The following THOP1 variants were observed in gnomAD, a reference collection of about 807,000 sequenced individuals.
THOP1 encodes thimet oligopeptidase.
A neutral mutation model predicts 71.8 loss-of-function variants in THOP1; 49 were observed. The observed-to-expected ratio is 0.68, with a 90% CI of 0.54 to 0.87. THOP1 has a LOEUF of 0.87. Ranked by LOEUF, THOP1 falls within the 40% of genes least tolerant of loss-of-function variation. The pLI is 0.00. For missense variants in THOP1, 843 were observed against 975.6 expected (o/e 0.86, Z 1.81); for synonymous variants, 426 against 421.5 (o/e 1.01, Z -0.13).
chr19:2,793,988 G>A (rs951772344), intron 2 of THOP1, among the ~76,000 whole-genome samples: 1 of 151,560 alleles, frequency 6.6e-6, no homozygotes, highest in Non-Finnish European at 1.5e-5. Flanking sequence ...GTCATGGGAT[G>A]ACTCCATTTT....
rs554180807 is a variant in THOP1 at position 2,812,975 on chromosome 19, G to T, written c.1909-140G>T. The T allele has an allele frequency of 6.7e-4, 631 of 947,418 alleles. 2 individuals are homozygous for T. The highest frequency in any genetic ancestry group is 1.5e-3 in the Admixed American group (53 of 34,596). 58.7% of individuals were successfully genotyped at this position (947,418 alleles called of 1,614,324 possible). On this transcript the variant is annotated intron_variant, in intron 12 of 12. Coordinates refer to ENST00000307741, the MANE Select transcript of THOP1 (RefSeq NM_003249.5). ...CCTGCGCTCTCCCACCTGTGCTGATGCAGGCGGCCCCCGGGCCTCCCTGGG... is the reference window on the plus strand; with the variant it reads ...CCTGCGCTCTCCCACCTGTGCTGATTCAGGCGGCCCCCGGGCCTCCCTGGG...
At chr19:2,788,446 A>C (rs1275406309) in intron 1 of THOP1, among the ~76,000 whole-genome samples, 1 of 152,092 alleles carries the variant, frequency 6.6e-6, no homozygotes, top group African/African-American at 2.4e-5. Context: ...CAAAGCCTTC[A>C]TTGTCATCTA....
intron 4 of THOP1, among the ~76,000 whole-genome samples, chr19:2,798,123 T>C (rs942486628): frequency 6.6e-6 from 1 of 152,126 alleles, no homozygotes; most frequent in African/African-American, 2.4e-5. Flanking sequence ...CTGCCTCCTA[T>C]GTTCAAGCGA....
chr19:2,785,565 C>G lies in THOP1; in HGVS notation c.-98C>G. On this transcript the variant is annotated 5_prime_UTR_variant, in exon 1 of 13. Coordinates refer to ENST00000307741, the MANE Select transcript of THOP1 (RefSeq NM_003249.5). ...CCTCAGGCGGCCGTGGCGGCGGTGG[C>G]GGCGGTTGGGCCGAGGCAGGCGGCC... The G allele has an allele frequency of 8.7e-6, 12 of 1,375,034 alleles. No homozygotes were observed. Among genetic ancestry groups the G allele is most frequent in the Non-Finnish European group, 1.1e-5 (12 of 1,044,056 alleles). 85.2% of individuals were successfully genotyped at this position (1,375,034 alleles called of 1,614,324 possible). A position where few individuals can be genotyped will look rare whatever the true frequency, so the allele number is the denominator to read the frequency against.
At chr19:2,786,780 T>TTTTTTTTTTTTG (rs1568317132) in intron 1 of THOP1, among the ~76,000 whole-genome samples, 1 of 147,774 alleles carries the variant, frequency 6.8e-6, no homozygotes, top group African/African-American at 2.5e-5. Context: ...TTTTTTTTTT[T>TTTTTTTTTTTTG]GGAGATAGAG....
At chr19:2,797,349 G>A (rs1916043317) in intron 4 of THOP1, among the ~76,000 whole-genome samples, 1 of 152,204 alleles carries the variant, frequency 6.6e-6, no homozygotes, top group South Asian at 2.1e-4. Context: ...TCGAGGGCCA[G>A]CAAGGCACCC....
At chr19:2,810,064 C>G in intron 9 of THOP1, 1 of 568,118 alleles carries the variant, frequency 1.8e-6, no homozygotes, top group Non-Finnish European at 3.1e-6. Flanking sequence ...CGTGGGTGGC[C>G]TCCAGGGACG....
rs201418908 is a variant in THOP1 at position 2,810,728 on chromosome 19, G to T, written c.1731G>T (p.Ala577=). 1.3e-6 allele frequency: 2 copies of T among 1,598,160 alleles called. No individual in the cohort carries two copies. The highest frequency in any genetic ancestry group is 3.4e-5 in the Admixed American group (2 of 58,464). Residue 577 remains alanine (A), a synonymous_variant, in exon 11 of 13, where the codon GCG becomes GCT. Transcript: ENST00000307741. ...ACGCAGACCCCGCCGAGGAGTATGCGCGGCTCTGCCAGGAGATCCTCGGGG... is the reference window on the plus strand; with the variant it reads ...ACGCAGACCCCGCCGAGGAGTATGCTCGGCTCTGCCAGGAGATCCTCGGGG... ...QTDADPAEEY[A]RLCQEILGVP...
chr19:2,801,475 C>T lies in THOP1; in HGVS notation c.589+1684C>T, dbSNP rs1362566883. ...TGAGTCCCATGTGGCCAGGTGACAC[C>T]GTCATGCGGGTGGCTAGCGTGTTGG... On this transcript the variant is annotated intron_variant, in intron 5 of 12. Coordinates refer to ENST00000307741, the MANE Select transcript of THOP1 (RefSeq NM_003249.5). The surrounding 1 kb of genome is among the most constrained non-coding windows in gnomAD (Gnocchi z 5.1). Among the ~76,000 whole-genome samples the T allele has an allele frequency of 1.3e-5, 2 of 152,144 alleles. No individual in the cohort carries two copies. Among genetic ancestry groups the T allele is most frequent in the African/African-American group, 2.4e-5 (1 of 41,428 alleles).
chr19:2,799,864 G>C, intron 5 of THOP1, 73 bp downstream of exon 5: 2 of 1,366,728 alleles, frequency 1.5e-6, no homozygotes. Context: ...GGCCCTCGGG[G>C]GCCGCCGCTT....
chr19:2,810,447 G>A lies in THOP1; in HGVS notation c.1599G>A (p.Arg533=). 1 of 1,583,190 alleles carries A rather than the reference G, an allele frequency of 6.3e-7. No individual in the cohort carries two copies. Among genetic ancestry groups the A allele is most frequent in the Admixed American group, 1.9e-5 (1 of 53,914 alleles). ...ACCGCACAGGCAGCGCCGTGCCCCGGGAGCTCCTGGAGAAGCTCATTGAGT... is the reference window on the plus strand; with the variant it reads ...ACCGCACAGGCAGCGCCGTGCCCCGAGAGCTCCTGGAGAAGCTCATTGAGT... The part of the protein sequence containing the change: ...RHYRTGSAVP[R]ELLEKLIESR... Residue 533 remains arginine, a synonymous_variant, in exon 10 of 13, where the codon CGG becomes CGA. Transcript: ENST00000307741.
At chr19:2,797,256 G>T (rs1309099993) in intron 4 of THOP1, among the ~76,000 whole-genome samples, 1 of 152,172 alleles carries the variant, frequency 6.6e-6, no homozygotes, top group Non-Finnish European at 1.5e-5. Flanking sequence ...GTGCCCCAGA[G>T]TGTAGGGGCT....
At chr19:2,797,628 C>T (rs531107395) in intron 4 of THOP1, among the ~76,000 whole-genome samples, 60 of 152,352 alleles carry the variant, frequency 3.9e-4, no homozygotes, top group Admixed American at 5.9e-4. Flanking sequence ...TTCCTGAGCA[C>T]GCTTAAGACA....
intron 3 of THOP1, 103 bp downstream of exon 3, chr19:2,795,015 G>A: frequency 7.3e-7 from 1 of 1,373,262 alleles, no homozygotes; most frequent in East Asian, 2.5e-5. Context: ...GTAGAGACGG[G>A]GTTTCAACGT....
At position 2,790,495 on chromosome 19, in the gene THOP1, C is replaced by A; in HGVS notation, c.91C>A (p.Gln31Lys). 6.2e-7 allele frequency: 1 copy of A among 1,606,564 alleles called. No individual in the cohort carries two copies. Among genetic ancestry groups the A allele is most frequent in the Non-Finnish European group, 8.5e-7 (1 of 1,176,496 alleles). The stretch of plus-strand genomic sequence containing the variant: ...CGACCTGCGGTGGGACCTGAGTGCC[C>A]AGCAGATAGAGGAGCGCACCAGGGA... ...VNDLRWDLSA[Q>K]QIEERTRELI... The change falls in exon 2 of 13, where the codon CAG becomes AAG. Residue 31 changes from glutamine to lysine, a missense_variant. Coordinates refer to ENST00000307741, the MANE Select transcript of THOP1 (RefSeq NM_003249.5).
In THOP1 at chr19:2,785,641, C is replaced by T. The variant is rs1311359679; in HGVS notation, c.-22C>T. On this transcript the variant is annotated 5_prime_UTR_variant, in exon 1 of 13. Transcript: ENST00000307741. ...TAGCAGGTGGAAGGAGGGAGGGAGC[C>T]GCAGGCGCAGACCCACCCGCCATGA... 5.3e-6 allele frequency: 8 copies of T among 1,501,224 alleles called. No homozygotes were observed. The highest frequency in any genetic ancestry group is 7.1e-6 in the Non-Finnish European group (8 of 1,125,162). 93.0% of individuals were successfully genotyped at this position (1,501,224 alleles called of 1,614,324 possible). A position where few individuals can be genotyped will look rare whatever the true frequency, so the allele number is the denominator to read the frequency against.
chr19:2,789,085 CT>C (rs990784799), intron 1 of THOP1, among the ~76,000 whole-genome samples: 18 of 152,312 alleles, frequency 1.2e-4, no homozygotes, highest in Admixed American at 3.9e-4. Context: ...TTGTACACCC[CT>C]GGAACTGAAG....
At chr19:2,793,978 G>T (rs1568319648) in intron 2 of THOP1, among the ~76,000 whole-genome samples, 1 of 151,634 alleles carries the variant, frequency 6.6e-6, no homozygotes, top group Non-Finnish European at 1.5e-5. Context: ...AGTCTTGGGG[G>T]TCATGGGATG....
In THOP1 at chr19:2,786,705, T is replaced by C. The variant is rs578113678; in HGVS notation, c.16+1027T>C. Reference sequence around the variant, plus strand: ...CAACCTCCGCCTCCCGGGTTCAAGCTATGCTGCTTCAGCCTCCCAAGCAGC... The same window carrying C: ...CAACCTCCGCCTCCCGGGTTCAAGCCATGCTGCTTCAGCCTCCCAAGCAGC... On this transcript the variant is annotated intron_variant, in intron 1 of 12. Coordinates refer to ENST00000307741, the MANE Select transcript of THOP1 (RefSeq NM_003249.5). Among the ~76,000 whole-genome samples, 9 of 150,462 alleles carry C rather than the reference T, an allele frequency of 6.0e-5. No homozygotes were observed. The East Asian group carries it at 1.8e-3, about 30-fold the overall frequency.
Sources: gnomAD v4.1 joint callset for allele counts (sites outside exome capture counted in the v4.1 genomes callset) on GRCh38, gnomAD v4.1.1 for gene constraint, Gnocchi (gnomAD v3.1) non-coding constraint, MANE v1.5 for transcripts, NCBI Gene and HGNC (gene_info 2026-07-23, HGNC 2026-07-21) for gene names.